The following NPR2 variants were observed in gnomAD, a reference collection of about 807,000 sequenced individuals.
NPR2 encodes the protein atrial natriuretic peptide receptor 2.
In NPR2, 49 loss-of-function variants were observed where a neutral mutation model predicts 120.7. The ratio of observed to expected loss-of-function variants is 0.41; its 90% CI spans 0.32 to 0.52. NPR2 has a LOEUF of 0.52. NPR2 is among the 20% of genes least tolerant of loss of function. The probability of loss-of-function intolerance (pLI) is 0.36; values close to 1 mark genes in which losing one functional copy is unlikely to be tolerated. For missense variants in NPR2, 931 were observed against 1,362.9 expected (o/e 0.68, Z 4.99); for synonymous variants, 484 against 519.8 (o/e 0.93, Z 0.94).
rs1588067972 is a variant in NPR2, at chr9:35,806,628, A to G, written c.2519+90A>G. 2.2e-6 allele frequency: 3 copies of G among 1,380,802 alleles called. No homozygotes were observed. The highest frequency in any genetic ancestry group is 1.7e-5 in the Admixed American group (1 of 59,292). 85.5% of individuals were successfully genotyped at this position (1,380,802 alleles called of 1,614,324 possible). A position where few individuals can be genotyped will look rare whatever the true frequency, so the allele number is the denominator to read the frequency against. ...CAGGCACCTGAGAACTCGCCTCCCCACCCTCAGAACCCTGCTGGCCACAGG... is the reference window on the plus strand; with the variant it reads ...CAGGCACCTGAGAACTCGCCTCCCCGCCCTCAGAACCCTGCTGGCCACAGG... On this transcript the variant is annotated intron_variant, in intron 16 of 21. Transcript: ENST00000342694. This position sits in a 1 kb window ranked among gnomAD's most constrained non-coding sequence, Gnocchi z 4.6.
chr9:35,792,909 C>T lies in NPR2; in HGVS notation c.501C>T (p.Ala167=). 1.2e-6 allele frequency: 2 copies of T among 1,614,120 alleles called. No homozygotes were observed. Among genetic ancestry groups the T allele is most frequent in the Non-Finnish European group, 1.7e-6 (2 of 1,180,036 alleles). Reference sequence around the variant, plus strand: ...ACTTCAATTGGACTGCCCGTGCTGCCTTGCTGTACCTGGATGCTCGCACAG... The same window carrying T: ...ACTTCAATTGGACTGCCCGTGCTGCTTTGCTGTACCTGGATGCTCGCACAG... ...HGHFNWTARA[A]LLYLDARTDD... The change falls in exon 1 of 22, where the codon GCC becomes GCT. Residue 167 remains alanine (A), a synonymous_variant. Coordinates refer to ENST00000342694, the MANE Select transcript of NPR2 (RefSeq NM_003995.4).
At chr9:35,807,893 G>C (rs1034039291) in intron 18 of NPR2, among the ~76,000 whole-genome samples, 6 of 152,282 alleles carry the variant, frequency 3.9e-5, no homozygotes, top group Non-Finnish European at 2.9e-5. Context: ...GAATCTCCCT[G>C]AGCCTCAGTT....
At position 35,808,423 on chromosome 9, in the gene NPR2, T is replaced by C; in HGVS notation, c.2713-86T>C. ...GTCTCCAGCATGTCAGGATGATTAA[T>C]GATGGTGTCAAGCTTGTCTCCCTCT... On this transcript the variant is annotated intron_variant, in intron 18 of 21. Coordinates refer to ENST00000342694, the MANE Select transcript of NPR2 (RefSeq NM_003995.4). The surrounding 1 kb of genome is among the most constrained non-coding windows in gnomAD (Gnocchi z 4.0). 6.8e-7 allele frequency: 1 copy of C among 1,470,862 alleles called. No homozygotes were observed. Among genetic ancestry groups the C allele is most frequent in the South Asian group, 1.2e-5 (1 of 86,938 alleles). 91.1% of individuals were successfully genotyped at this position (1,470,862 alleles called of 1,614,324 possible).
At chr9:35,804,027 T>C (rs1251479476) in intron 12 of NPR2, among the ~76,000 whole-genome samples, 3 of 152,172 alleles carry the variant, frequency 2.0e-5, no homozygotes, top group African/African-American at 7.2e-5. Context: ...AATTCACAAC[T>C]TCAGAGATTC....
rs2228580 is a variant in NPR2 at position 35,792,426 on chromosome 9, T to C, written c.18T>C (p.Leu6=). 355,232 of 1,610,820 alleles carry C rather than the reference T, an allele frequency of 0.22. 42,415 individuals are homozygous for C. Among genetic ancestry groups the C allele is most frequent in the African/African-American group, 0.46 (34,211 of 74,878 alleles). ...TTATCCCCATGGCGCTGCCATCACTTCTGCTGTTGGTGGCAGCCCTGGCAG... is the reference window on the plus strand; with the variant it reads ...TTATCCCCATGGCGCTGCCATCACTCCTGCTGTTGGTGGCAGCCCTGGCAG... The part of the protein sequence containing the change: MALPS[L]LLLVAALAGG... Residue 6 remains leucine (L), a synonymous_variant, in exon 1 of 22, where the codon CTT becomes CTC. Transcript: ENST00000342694.
chr9:35,794,254 C>T (rs919123760), intron 2 of NPR2, 151 bp downstream of exon 2: 2 of 728,004 alleles, frequency 2.7e-6, no homozygotes, highest in Non-Finnish European at 4.5e-6. Context: ...TCTAGTGTCA[C>T]CCTTTCTTAC....
Position 35,809,363 on chromosome 9 carries a change from C to T in NPR2, c.3079-17C>T. 1 of 1,613,958 alleles carries T rather than the reference C, an allele frequency of 6.2e-7. No individual in the cohort carries two copies. Among genetic ancestry groups the T allele is most frequent in the Non-Finnish European group, 8.5e-7 (1 of 1,179,938 alleles). On this transcript the variant is annotated splice_polypyrimidine_tract_variant and intron_variant, in intron 21 of 21. Transcript: ENST00000342694. The surrounding 1 kb of genome is among the most constrained non-coding windows in gnomAD (Gnocchi z 4.1). ...AACATCGAAGCATCTGAATCATGTC[C>T]ACTCTCCCACTTCCAGGGAAAAGGA...
rs1216511386 is a variant in NPR2 at position 35,809,605 on chromosome 9, A to G, written c.*160A>G. On this transcript the variant is annotated 3_prime_UTR_variant, in exon 22 of 22. Coordinates refer to ENST00000342694, the MANE Select transcript of NPR2 (RefSeq NM_003995.4). The surrounding 1 kb of genome is among the most constrained non-coding windows in gnomAD (Gnocchi z 4.1). ...TGGAAGTTGTAGCCCTCTGCAGCTC[A>G]GCCCTGTACATATACCTGTCCCTCT... 8.9e-6 allele frequency: 11 copies of G among 1,233,696 alleles called. No individual in the cohort carries two copies. Among genetic ancestry groups the G allele is most frequent in the African/African-American group, 3.0e-5 (2 of 67,642 alleles). The allele number at this position is 1,233,696 out of a possible 1,614,324, so 76.4% of individuals were successfully genotyped here.
chr9:35,802,107 C>G lies in NPR2; in HGVS notation c.1633-99C>G, dbSNP rs1011576120. On this transcript the variant is annotated intron_variant, in intron 9 of 21. Coordinates refer to ENST00000342694, the MANE Select transcript of NPR2 (RefSeq NM_003995.4). This position sits in a 1 kb window ranked among gnomAD's most constrained non-coding sequence, Gnocchi z 4.2. ...GTCCCTCATACCCGACTCTCTGTGC[C>G]CAGCTGAGCTCCTGGGTGCTTCCAC... The G allele has an allele frequency of 2.3e-6, 3 of 1,323,138 alleles. No individual in the cohort carries two copies. The African/African-American group carries it at 4.3e-5, about 19-fold the overall frequency. The allele number at this position is 1,323,138 out of a possible 1,614,324, so 82.0% of individuals were successfully genotyped here.
At chr9:35,799,452 A>G (rs990760986) in intron 2 of NPR2, among the ~76,000 whole-genome samples, 166 bp from the exon 3 acceptor site, 1 of 152,020 alleles carries the variant, frequency 6.6e-6, no homozygotes, top group African/African-American at 2.4e-5. Context: ...ACACGCACAC[A>G]CACACGCAGA....
At chr9:35,794,857 G>T (rs1216941785) in intron 2 of NPR2, among the ~76,000 whole-genome samples, 1 of 145,796 alleles carries the variant, frequency 6.9e-6, no homozygotes, top group South Asian at 2.2e-4. Context: ...TGTGTGTGTG[G>T]AGATAATTAT....
Position 35,809,157 on chromosome 9 carries a change from G to A in NPR2, c.2988G>A (p.Ala996=), listed in dbSNP as rs138711027. The A allele has an allele frequency of 1.1e-4, 170 of 1,613,450 alleles. 1 individual carries two copies. In the East Asian group the frequency reaches 3.3e-3, roughly 31 times the overall value. ...TASRMESNGQ[A]LKIHVSSTTK... The stretch of plus-strand genomic sequence containing the variant: ...TCCTCCCCATTCCACCCACCCCAGC[G>A]CTGAAGATCCATGTCTCCTCTACCA... The change falls in exon 21 of 22, where the codon GCG becomes GCA. Residue 996 remains alanine (A), a splice_region_variant and synonymous_variant. Coordinates refer to ENST00000342694, the MANE Select transcript of NPR2 (RefSeq NM_003995.4). This position sits in a 1 kb window ranked among gnomAD's most constrained non-coding sequence, Gnocchi z 4.1.
In NPR2 at chr9:35,808,015, G is replaced by GTGTGTATTTCCTAAAAACTTCAC; in HGVS notation, c.2713-481_2713-459dup. On this transcript the variant is annotated intron_variant, in intron 18 of 21. Transcript: ENST00000342694. This position sits in a 1 kb window ranked among gnomAD's most constrained non-coding sequence, Gnocchi z 4.0. ...TAACTACTTTATCCCTAAATACTTA[G>GTGTGTATTTCCTAAAAACTTCAC]TGTGTATTTCCTAAAAACTTCACTG... 1 of 634,540 alleles carries GTGTGTATTTCCTAAAAACTTCAC rather than the reference G, an allele frequency of 1.6e-6. No homozygotes were observed. The allele number at this position is 634,540 out of a possible 1,614,324, so 39.3% of individuals were successfully genotyped here. A position where few individuals can be genotyped will look rare whatever the true frequency, so the allele number is the denominator to read the frequency against.
Position 35,809,301 on chromosome 9 carries a change from T to C in NPR2, c.3078+54T>C. The C allele has an allele frequency of 1.2e-6, 2 of 1,610,228 alleles. No homozygotes were observed. The highest frequency in any genetic ancestry group is 4.5e-5 in the East Asian group (2 of 44,860). The stretch of plus-strand genomic sequence containing the variant: ...TGGAAAGGGAGGGTGAAAGTGATTA[T>C]GGGAATCATAGGGAAAGAGAGGGAG... On this transcript the variant is annotated intron_variant, in intron 21 of 21. Coordinates refer to ENST00000342694, the MANE Select transcript of NPR2 (RefSeq NM_003995.4). This position sits in a 1 kb window ranked among gnomAD's most constrained non-coding sequence, Gnocchi z 4.1.
rs1387395212 is a variant in NPR2, at chr9:35,791,788, C to A, written c.-621C>A. 6.6e-6 allele frequency among the ~76,000 whole-genome samples: 1 copy of A among 151,742 alleles called. No homozygotes were observed. The highest frequency in any genetic ancestry group is 2.4e-5 in the African/African-American group (1 of 41,318). On this transcript the variant is annotated 5_prime_UTR_variant, in exon 1 of 22. Coordinates refer to ENST00000342694, the MANE Select transcript of NPR2 (RefSeq NM_003995.4). ...GGGCCGCCGTAGCTCCGGATGGGAC[C>A]AGCGCCCGGGCCCGTTAGTCCAAGC...
rs1422513681 is a variant in NPR2 at position 35,799,517 on chromosome 9, A to G, written c.874-101A>G. ...CTTCAGACTCACCTGTGTATATTTT[A>G]TATCATGTATATTTTACCAAGTTTC... is the stretch of plus-strand genomic sequence containing the variant. On this transcript the variant is annotated intron_variant, in intron 2 of 21. Coordinates refer to ENST00000342694, the MANE Select transcript of NPR2 (RefSeq NM_003995.4). 1.2e-5 allele frequency: 10 copies of G among 844,958 alleles called. No homozygotes were observed. The South Asian group carries it at 1.2e-4, about 10-fold the overall frequency. 52.3% of individuals were successfully genotyped at this position (844,958 alleles called of 1,614,324 possible). A position where few individuals can be genotyped will look rare whatever the true frequency, so the allele number is the denominator to read the frequency against.
intron 1 of NPR2, 89 bp downstream of exon 1, chr9:35,793,164 G>A: frequency 7.5e-7 from 1 of 1,340,618 alleles, no homozygotes; most frequent in Non-Finnish European, 1.0e-6. Flanking sequence ...GATGGAGATA[G>A]GCATTGAGCA....
In NPR2 at chr9:35,805,829, G is replaced by C; in HGVS notation, c.2048-1G>C. The C allele has an allele frequency of 6.2e-7, 1 of 1,614,140 alleles. No individual in the cohort carries two copies. The highest frequency in any genetic ancestry group is 8.5e-7 in the Non-Finnish European group (1 of 1,180,020). ...CTGGCCAGCCGGTTTCCTCTTTTCA[G>C]AGAAGCTGTGGACTGCCCCAGAACT... On this transcript the variant is annotated splice_acceptor_variant, in intron 13 of 21. Transcript: ENST00000342694. LOFTEE classifies it high-confidence loss of function. This position sits in a 1 kb window ranked among gnomAD's most constrained non-coding sequence, Gnocchi z 4.9.
chr9:35,802,042 C>G lies in NPR2; in HGVS notation c.1632+42C>G, dbSNP rs1319202058. The stretch of plus-strand genomic sequence containing the variant: ...TTGTTCTGGTCCCCACCATTTCATC[C>G]TGTCTCATCCCCATCTGCCACCTCT... On this transcript the variant is annotated intron_variant, in intron 9 of 21. Transcript: ENST00000342694. This position sits in a 1 kb window ranked among gnomAD's most constrained non-coding sequence, Gnocchi z 4.2. 1 of 1,573,830 alleles carries G rather than the reference C, an allele frequency of 6.4e-7. No individual in the cohort carries two copies. The highest frequency in any genetic ancestry group is 8.7e-7 in the Non-Finnish European group (1 of 1,143,164).
Sources: allele counts gnomAD v4.1 joint callset (sites outside exome capture counted in the v4.1 genomes callset), GRCh38; gene constraint gnomAD v4.1.1; non-coding constraint Gnocchi (gnomAD v3.1); transcripts MANE v1.5; gene names NCBI Gene and HGNC (gene_info 2026-07-23, HGNC 2026-07-21).